FAM3D: variants seen among roughly 807,000 people sequenced by gnomAD.
FAM3D encodes protein FAM3D.
FAM3D carries 26 observed loss-of-function variants against 29.8 expected under a neutral mutation model. That is an observed-to-expected ratio of 0.87 (90% CI 0.64 to 1.21). The LOEUF is 1.21. Among genes scored for constraint, FAM3D ranks in the 50% most tolerant of loss-of-function variants. FAM3D has a pLI of 0.00. For synonymous variants in FAM3D, 115 were observed against 102.3 expected, an observed-to-expected ratio of 1.12 and a Z score of -0.75; for missense variants, 253 against 290.9, an observed-to-expected ratio of 0.87 and a Z score of 0.95.
intron 3 of FAM3D, among the ~76,000 whole-genome samples, chr3:58,652,993 C>T (rs1360305077): frequency 4.1e-5 from 6 of 147,162 alleles, no homozygotes; most frequent in Admixed American, 1.4e-4. Context: ...TTTTTTTTCA[C>T]TCATCAAATG....
chr3:58,638,176 C>G (rs2364303), intron 7 of FAM3D, among the ~76,000 whole-genome samples: 52,236 of 152,046 alleles, frequency 0.34, 9,466 homozygotes, highest in East Asian at 0.53. Flanking sequence ...AAGCCACTGT[C>G]CCAGGGCCCT....
At chr3:58,645,958 C>G (rs1242367031) in intron 4 of FAM3D, among the ~76,000 whole-genome samples, 1 of 152,182 alleles carries the variant, frequency 6.6e-6, no homozygotes, top group East Asian at 1.9e-4. Flanking sequence ...GAGAACCTCT[C>G]GTTTGGGCCA....
chr3:58,635,671 C>T lies in FAM3D; in HGVS notation c.585+623G>A, dbSNP rs1423735130. Among the ~76,000 whole-genome samples the T allele has an allele frequency of 2.0e-5, 3 of 152,262 alleles. No individual in the cohort carries two copies. Among genetic ancestry groups the T allele is most frequent in the African/African-American group, 7.2e-5 (3 of 41,464 alleles). On this transcript the variant is annotated intron_variant, in intron 9 of 9. Coordinates refer to ENST00000358781, the MANE Select transcript of FAM3D (RefSeq NM_138805.3). This position sits in a 1 kb window ranked among gnomAD's most constrained non-coding sequence, Gnocchi z 5.2. ...GCCCACCGGCCTCCTGCGTTCTTCACTGCGTTCAAGTAATTTCTAGTTACC... is the reference window on the plus strand; with the variant it reads ...GCCCACCGGCCTCCTGCGTTCTTCATTGCGTTCAAGTAATTTCTAGTTACC...
chr3:58,645,052 A>G (rs980047635), intron 5 of FAM3D, among the ~76,000 whole-genome samples: 5 of 152,232 alleles, frequency 3.3e-5, no homozygotes, highest in African/African-American at 1.2e-4. Flanking sequence ...ATAGGTACAC[A>G]GCCTTTCTCC....
At chr3:58,656,185 A>C (rs1318059820) in intron 1 of FAM3D, among the ~76,000 whole-genome samples, 3 of 152,226 alleles carry the variant, frequency 2.0e-5, no homozygotes, top group African/African-American at 7.2e-5. Flanking sequence ...TATTGTACCA[A>C]GATAAAGAGT....
At position 58,645,544 on chromosome 3, in the gene FAM3D, G is replaced by A. The variant is rs761663670; in HGVS notation, c.228C>T (p.Asn76=). The A allele has an allele frequency of 3.7e-6, 6 of 1,614,044 alleles. No individual in the cohort carries two copies. Among genetic ancestry groups the A allele is most frequent in the Admixed American group, 1.7e-5 (1 of 60,008 alleles). ...FAFKICSGAA[N]VVGPTMCFED... is the part of the protein sequence containing the mutation. ...CAAAGCACATAGTAGGGCCCACGAC[G>A]TTGGCGGCCCCACTGCAGATTTTAA... The change falls in exon 5 of 10, where the codon AAC becomes AAT. Residue 76 remains asparagine (N), a synonymous_variant. Transcript: ENST00000358781.
rs58919133 is a variant in FAM3D, at chr3:58,655,620, C to A, written c.-38-19G>T. 55 of 1,600,290 alleles carry A rather than the reference C, an allele frequency of 3.4e-5. No individual in the cohort carries two copies. In the African/African-American group the frequency reaches 7.2e-4, roughly 21 times the overall value. On this transcript the variant is annotated intron_variant, in intron 1 of 9. Coordinates refer to ENST00000358781, the MANE Select transcript of FAM3D (RefSeq NM_138805.3). ...CTTCCACCTATGGAGAGAAGAAAAT[C>A]CAGTCGGAAACTGGCATCAGGTCTG...
At chr3:58,641,975 C>T (rs1033751783) in intron 6 of FAM3D, among the ~76,000 whole-genome samples, 4 of 152,186 alleles carry the variant, frequency 2.6e-5, no homozygotes, top group African/African-American at 4.8e-5. Context: ...TGCCTGCCCT[C>T]GCTGTGGGGT....
rs150113706 is a variant in FAM3D at position 58,649,661 on chromosome 3, C to G, written c.122-323G>C. On this transcript the variant is annotated intron_variant, in intron 3 of 9. Transcript: ENST00000358781. Reference sequence around the variant, plus strand: ...ATACAGACACACATGTGTGCACACACAGACGTGTACACACACGCAGACATA... The same window carrying G: ...ATACAGACACACATGTGTGCACACAGAGACGTGTACACACACGCAGACATA... 2.8e-3 allele frequency among the ~76,000 whole-genome samples: 432 copies of G among 152,242 alleles called. 7 individuals carry two copies. Among genetic ancestry groups the G allele is most frequent in the African/African-American group, 0.01 (416 of 41,566 alleles).
At chr3:58,651,820 T>A (rs1303331376) in intron 3 of FAM3D, among the ~76,000 whole-genome samples, 1 of 117,138 alleles carries the variant, frequency 8.5e-6, no homozygotes, top group Non-Finnish European at 1.7e-5. Flanking sequence ...AAAGCAGCGA[T>A]CCTGGGTGGG....
chr3:58,639,598 G>T (rs77633796), intron 7 of FAM3D, among the ~76,000 whole-genome samples: 3,403 of 148,030 alleles, frequency 0.023, 114 homozygotes, highest in East Asian at 0.15. Context: ...CACTTCAGTG[G>T]GCCCATCCAG....
intron 1 of FAM3D, among the ~76,000 whole-genome samples, chr3:58,660,757 A>AGTG (rs2066915021): frequency 6.6e-6 from 1 of 152,106 alleles, no homozygotes. Context: ...TTCCTAGGGT[A>AGTG]CTTCCCAGAA....
chr3:58,660,162 G>T (rs929170853), intron 1 of FAM3D, among the ~76,000 whole-genome samples: 1 of 152,174 alleles, frequency 6.6e-6, no homozygotes, highest in East Asian at 1.9e-4. Flanking sequence ...GAGACAAAGA[G>T]AATGAAAAAG....
chr3:58,654,805 G>A (rs190731662), intron 2 of FAM3D, among the ~76,000 whole-genome samples: 309 of 152,234 alleles, frequency 2.0e-3, no homozygotes, highest in Non-Finnish European at 3.7e-3. Context: ...GGTCTGTGGG[G>A]ATCCCTGGTC....
intron 1 of FAM3D, among the ~76,000 whole-genome samples, chr3:58,665,027 T>C (rs1028565281): frequency 6.6e-6 from 1 of 152,164 alleles, no homozygotes; most frequent in Non-Finnish European, 1.5e-5. Flanking sequence ...GAAGTGCCAA[T>C]GAGGAAGTTA....
Position 58,636,372 on chromosome 3 carries a change from G to T in FAM3D, c.507C>A (p.Tyr169Ter), listed in dbSNP as rs536391981. The change falls in exon 9 of 10, where the codon TAC becomes TAA. Residue 169 changes from tyrosine (Y) to a stop codon, truncating the protein, a stop_gained. Coordinates refer to ENST00000358781, the MANE Select transcript of FAM3D (RefSeq NM_138805.3). LOFTEE classifies it high-confidence loss of function. Reference protein sequence around the residue: ...RKLFSDLGSSYAKQLGFRDSW... With the variant: ...RKLFSDLGSS Reference sequence around the variant, plus strand: ...TGTCCCGGAAGCCCAGTTGTTTTGCGTAGGAACTCCCCAAGTCAGAGAAGA... The same window carrying T: ...TGTCCCGGAAGCCCAGTTGTTTTGCTTAGGAACTCCCCAAGTCAGAGAAGA... The T allele has an allele frequency of 5.0e-6, 8 of 1,614,064 alleles. No individual in the cohort carries two copies. Among genetic ancestry groups the T allele is most frequent in the Non-Finnish European group, 6.8e-6 (8 of 1,180,040 alleles).
chr3:58,664,372 C>T (rs1014261278), intron 1 of FAM3D, among the ~76,000 whole-genome samples: 5 of 152,076 alleles, frequency 3.3e-5, no homozygotes, highest in African/African-American at 1.2e-4. Flanking sequence ...ATTGATGTGA[C>T]TAATTTATCT....
intron 1 of FAM3D, among the ~76,000 whole-genome samples, chr3:58,661,812 G>A (rs1242867129): frequency 6.6e-6 from 1 of 152,224 alleles, no homozygotes; most frequent in Non-Finnish European, 1.5e-5. Context: ...TGTTAATCAA[G>A]CAGGCTTTCT....
chr3:58,643,712 C>G lies in FAM3D; in HGVS notation c.272G>C (p.Ser91Thr), dbSNP rs1348920390. Residue 91 changes from serine to threonine, a missense_variant, in exon 6 of 10, where the codon AGT becomes ACT. Transcript: ENST00000358781. ...TMCFEDRMIM[S>T]PVKNNVGRGL... ...TCTGCCCACATTGTTTTTCACAGGA[C>G]TCATGATCCTGAAGACAATGAAGAA... is the stretch of plus-strand genomic sequence containing the variant. 1 of 1,613,970 alleles carries G rather than the reference C, an allele frequency of 6.2e-7. No homozygotes were observed. Among genetic ancestry groups the G allele is most frequent in the Admixed American group, 1.7e-5 (1 of 60,038 alleles).
Sources: allele counts gnomAD v4.1 joint callset (sites outside exome capture counted in the v4.1 genomes callset), GRCh38; gene constraint gnomAD v4.1.1; non-coding constraint Gnocchi (gnomAD v3.1); transcripts MANE v1.5; gene names NCBI Gene and HGNC (gene_info 2026-07-23, HGNC 2026-07-21).